Variants in FRMPD4 observed in about 807,000 individuals in gnomAD.
The protein encoded by FRMPD4 is FERM and PDZ domain-containing protein 4.
FRMPD4 carries 22 observed loss-of-function variants against 94.1 expected under a neutral mutation model. The observed-to-expected ratio is 0.23, with a 90% CI of 0.17 to 0.33. The LOEUF is 0.33. Among genes scored for constraint, FRMPD4 ranks in the 10% least tolerant of loss-of-function variants. The probability of loss-of-function intolerance (pLI) is 1.00; values close to 1 mark genes in which losing one functional copy is unlikely to be tolerated. For synonymous variants in FRMPD4, 631 were observed against 548.6 expected, an observed-to-expected ratio of 1.15 and a Z score of -2.10; for missense variants, 1,111 against 1,339.9, an observed-to-expected ratio of 0.83 and a Z score of 2.67.
At chrX:12,510,124 A>G (rs1035998735) in intron 2 of FRMPD4, among the ~76,000 whole-genome samples, 1 of 111,996 alleles carries the variant, frequency 8.9e-6, no homozygotes, top group African/African-American at 3.2e-5. Context: ...TTCTAAGTCA[A>G]TTTGGCTTCA....
intron 4 of FRMPD4, among the ~76,000 whole-genome samples, chrX:12,627,532 A>G (rs1480754280): frequency 8.9e-6 from 1 of 112,065 alleles, no homozygotes; most frequent in Non-Finnish European, 1.9e-5. Flanking sequence ...GTGATTCTAG[A>G]AAATGGAAAG....
intron 1 of FRMPD4, among the ~76,000 whole-genome samples, chrX:12,450,198 T>C (rs953217067): frequency 9.0e-6 from 1 of 110,509 alleles, no homozygotes; most frequent in Non-Finnish European, 1.9e-5. Flanking sequence ...ATCCTAACTC[T>C]CTCTGTTTGG....
chrX:12,026,039 G>A (rs746156846), intron 3 of FRMPD4, among the ~76,000 whole-genome samples: 15 of 111,608 alleles, frequency 1.3e-4, no homozygotes, highest in Non-Finnish European at 2.6e-4. Flanking sequence ...TCTCTCAGTG[G>A]TCTACATATC....
chrX:12,100,369 A>T (rs72612867), intron 3 of FRMPD4, among the ~76,000 whole-genome samples: 9,182 of 111,451 alleles, frequency 0.082, 922 homozygotes, highest in East Asian at 0.6. Context: ...TTTTCATTTC[A>T]TATATGAAAA....
chrX:12,271,624 T>C (rs1257792369), intron 1 of FRMPD4, among the ~76,000 whole-genome samples: 1 of 112,411 alleles, frequency 8.9e-6, no homozygotes, highest in African/African-American at 3.2e-5. Context: ...CCACGTGAGC[T>C]AAACTAAAGC....
chrX:12,229,063 A>G (rs1341003130), intron 1 of FRMPD4, among the ~76,000 whole-genome samples: 1 of 112,373 alleles, frequency 8.9e-6, no homozygotes, highest in Non-Finnish European at 1.9e-5. Flanking sequence ...CTCCTTTTGC[A>G]GTTATCTCTT....
At chrX:12,238,027 T>C (rs1382486913) in intron 1 of FRMPD4, among the ~76,000 whole-genome samples, 1 of 112,368 alleles carries the variant, frequency 8.9e-6, no homozygotes, top group Non-Finnish European at 1.9e-5. Flanking sequence ...GTGGCTGCTT[T>C]TGTGATACTA....
chrX:12,259,864 A>C (rs989798092), intron 1 of FRMPD4, among the ~76,000 whole-genome samples: 9 of 111,496 alleles, frequency 8.1e-5, no homozygotes, highest in African/African-American at 2.3e-4. Context: ...CCTGTGGGCT[A>C]TACAGTTCTT....
intron 1 of FRMPD4, among the ~76,000 whole-genome samples, chrX:12,302,718 TTA>T (rs1248888670): frequency 2.7e-5 from 3 of 112,091 alleles, no homozygotes; most frequent in Non-Finnish European, 5.6e-5. Flanking sequence ...AGCTTATTCA[TTA>T]TAAAATCTTA....
At chrX:12,538,043 AG>A (rs2058360338) in intron 2 of FRMPD4, among the ~76,000 whole-genome samples, 1 of 111,311 alleles carries the variant, frequency 9.0e-6, no homozygotes, top group Non-Finnish European at 1.9e-5. Flanking sequence ...CACCTCACCC[AG>A]GAAGCGCAAG....
intron 4 of FRMPD4, among the ~76,000 whole-genome samples, chrX:12,657,542 C>T (rs1443820724): frequency 9.0e-6 from 1 of 111,436 alleles, no homozygotes. Context: ...TCTCTCACTT[C>T]TGCCATATTT....
At chrX:12,019,496 G>GT (rs1184170891) in intron 3 of FRMPD4, among the ~76,000 whole-genome samples, 1 of 109,626 alleles carries the variant, frequency 9.1e-6, no homozygotes, top group Non-Finnish European at 1.9e-5. Flanking sequence ...CATTCCCCTG[G>GT]TTAGTACCTT....
intron 3 of FRMPD4, among the ~76,000 whole-genome samples, chrX:12,051,174 A>G (rs781659402): frequency 8.9e-6 from 1 of 112,343 alleles, no homozygotes; most frequent in South Asian, 3.7e-4. Flanking sequence ...TGTTCATGGG[A>G]ATGATAAACA....
intron 1 of FRMPD4, among the ~76,000 whole-genome samples, chrX:12,454,971 A>C (rs1484382576): frequency 9.0e-6 from 1 of 110,983 alleles, no homozygotes; most frequent in Non-Finnish European, 1.9e-5. Context: ...CAACTTATAA[A>C]TTCTGTAACA....
At chrX:11,993,707 T>A (rs979012037) in intron 3 of FRMPD4, among the ~76,000 whole-genome samples, 4 of 112,595 alleles carry the variant, frequency 3.6e-5, no homozygotes, top group African/African-American at 9.7e-5. Context: ...AAGCTCTGCA[T>A]CTTCATGCTC....
chrX:12,225,454 G>C (rs1027000511), intron 1 of FRMPD4, among the ~76,000 whole-genome samples: 4 of 111,882 alleles, frequency 3.6e-5, no homozygotes, highest in African/African-American at 1.3e-4. Flanking sequence ...TCTGGATGGG[G>C]GTTTACATAA....
At chrX:12,680,568 G>C (rs1202010669) in intron 5 of FRMPD4, among the ~76,000 whole-genome samples, 3 of 111,993 alleles carry the variant, frequency 2.7e-5, no homozygotes, top group Non-Finnish European at 5.6e-5. Flanking sequence ...CAAAACATTT[G>C]TCAGTTTTAT....
intron 5 of FRMPD4, among the ~76,000 whole-genome samples, chrX:12,681,018 G>C (rs1173280671): frequency 9.0e-6 from 1 of 111,726 alleles, no homozygotes; most frequent in Non-Finnish European, 1.9e-5. Context: ...CAAGGAATTA[G>C]ATGGAACACT....
intron 3 of FRMPD4, among the ~76,000 whole-genome samples, chrX:11,934,687 T>C (rs1021564204): frequency 9.8e-5 from 11 of 112,029 alleles, no homozygotes; most frequent in Admixed American, 2.8e-4. Flanking sequence ...TGTGTTCCTT[T>C]GAGATTATAA....
Sources: gnomAD v4.1 joint callset for allele counts (sites outside exome capture counted in the v4.1 genomes callset) on GRCh38, gnomAD v4.1.1 for gene constraint, MANE v1.5 for transcripts, NCBI Gene and HGNC (gene_info 2026-07-23, HGNC 2026-07-21) for gene names.